The following PLXDC2 variants were observed in gnomAD, a reference collection of about 807,000 sequenced individuals.
PLXDC2 encodes the protein plexin domain containing 2, also known as plexin domain-containing protein 2.
In PLXDC2, 40 loss-of-function variants were observed where a neutral mutation model predicts 68.9. The observed-to-expected ratio is 0.58, with a 90% confidence interval of 0.45 to 0.76. The LOEUF is 0.76. Ranked by LOEUF, PLXDC2 falls within the 30% of genes least tolerant of loss-of-function variation. The pLI, the probability that PLXDC2 is intolerant of heterozygous loss-of-function variation, is 0.00. For synonymous variants in PLXDC2, 243 were observed against 234.2 expected, an observed-to-expected ratio of 1.04 and a Z score of -0.34; for missense variants, 644 against 661.9, an observed-to-expected ratio of 0.97 and a Z score of 0.30.
At chr10:20,125,085 C>T (rs1483331091) in intron 4 of PLXDC2, among the ~76,000 whole-genome samples, 1 of 152,130 alleles carries the variant, frequency 6.6e-6, no homozygotes, top group Admixed American at 6.5e-5. Flanking sequence ...AAATCCAAAA[C>T]ATTTAACAGC....
chr10:20,070,850 A>G (rs147174896), intron 4 of PLXDC2: 13 of 152,284 alleles, frequency 8.5e-5, no homozygotes, highest in African/African-American at 3.1e-4. Flanking sequence ...CATGTCAGCA[A>G]TTCAGCCAAT....
At chr10:20,052,798 G>C (rs967298701) in intron 3 of PLXDC2, among the ~76,000 whole-genome samples, 6 of 151,740 alleles carry the variant, frequency 4.0e-5, no homozygotes, top group Non-Finnish European at 7.4e-5. Flanking sequence ...AGGGCCAGAG[G>C]GCTAACGATT....
intron 1 of PLXDC2, among the ~76,000 whole-genome samples, chr10:19,895,546 A>T (rs772632256): frequency 1.2e-4 from 18 of 152,134 alleles, no homozygotes; most frequent in Middle Eastern, 3.2e-3. Flanking sequence ...TGTGGTATTC[A>T]TTTTCCATGA....
At chr10:20,224,889 G>A (rs867774629) in intron 12 of PLXDC2, among the ~76,000 whole-genome samples, 2 of 152,032 alleles carry the variant, frequency 1.3e-5, no homozygotes, top group South Asian at 4.1e-4. Flanking sequence ...AGCACTCCAG[G>A]TGACAGCATT....
rs1295878977 is a variant in PLXDC2 at position 20,147,862 on chromosome 10, C to A, written c.743C>A (p.Thr248Asn). Residue 248 changes from threonine (T) to asparagine (N), a missense_variant, in exon 6 of 14, where the codon ACC becomes AAC. By Grantham distance (65) the Thr-to-Asn change is moderately conservative (BLOSUM62 0). Around this residue, in one of 3 missense-constraint regions of PLXDC2, gnomAD observed 113 missense variants for 167.1 expected, o/e 0.68. Transcript: ENST00000377252. The part of the protein sequence containing the change: ...YNLGSFTFQA[T>N]LLMDGRIIFG... ...CTGGGAAGCTTCACATTCCAGGCAACCCTGCTCATGGATGGACGAATCATC... is the reference window on the plus strand; with the variant it reads ...CTGGGAAGCTTCACATTCCAGGCAAACCTGCTCATGGATGGACGAATCATC... The A allele has an allele frequency of 6.2e-7, 1 of 1,612,660 alleles. No individual in the cohort carries two copies. Among genetic ancestry groups the A allele is most frequent in the East Asian group, 2.2e-5 (1 of 44,834 alleles).
intron 4 of PLXDC2, among the ~76,000 whole-genome samples, chr10:20,074,947 G>A (rs1216778437): frequency 6.6e-6 from 1 of 152,092 alleles, no homozygotes; most frequent in African/African-American, 2.4e-5. Flanking sequence ...AGAGATAGAT[G>A]CTGGATGAAA....
chr10:20,174,542 C>T (rs890923093), intron 7 of PLXDC2, among the ~76,000 whole-genome samples: 1 of 152,018 alleles, frequency 6.6e-6, no homozygotes, highest in Non-Finnish European at 1.5e-5. Flanking sequence ...GGGTTTGCTT[C>T]GACCCTTTCT....
chr10:20,045,939 T>A (rs1406738613), intron 2 of PLXDC2, among the ~76,000 whole-genome samples: 3 of 152,132 alleles, frequency 2.0e-5, no homozygotes, highest in Non-Finnish European at 4.4e-5. Context: ...TTAAAACATT[T>A]ACATCTCCTC....
At chr10:20,256,662 T>A (rs1228030971) in intron 13 of PLXDC2, among the ~76,000 whole-genome samples, 1 of 152,040 alleles carries the variant, frequency 6.6e-6, no homozygotes, top group Admixed American at 6.6e-5. Flanking sequence ...ATTTATGTTA[T>A]TTCCTTTTTT....
At chr10:19,976,926 A>G (rs902233543) in intron 1 of PLXDC2, among the ~76,000 whole-genome samples, 3 of 149,770 alleles carry the variant, frequency 2.0e-5, no homozygotes, top group Admixed American at 2.0e-4. Context: ...TAATATTGAA[A>G]TTTCAATTTC....
rs965958866 is a variant in PLXDC2, at chr10:20,285,172, T to C, written c.*5353T>C. The C allele has an allele frequency of 1.3e-5, 2 of 152,236 alleles. No homozygotes were observed. The highest frequency in any genetic ancestry group is 4.8e-5 in the African/African-American group (2 of 41,462). 9.4% of individuals were successfully genotyped at this position (152,236 alleles called of 1,614,324 possible). A position where few individuals can be genotyped will look rare whatever the true frequency, so the allele number is the denominator to read the frequency against. On this transcript the variant is annotated 3_prime_UTR_variant, in exon 14 of 14. Transcript: ENST00000377252. ...CAACATTTTTGTCCTTATAAGGTTT[T>C]TTGGGCAGATAATGCGAGGTCTGTG...
chr10:20,117,331 T>C (rs1227952378), intron 4 of PLXDC2, among the ~76,000 whole-genome samples: 1 of 152,120 alleles, frequency 6.6e-6, no homozygotes, highest in Non-Finnish European at 1.5e-5. Context: ...TTAAAAGAAA[T>C]GAATTCCTCT....
intron 1 of PLXDC2, among the ~76,000 whole-genome samples, chr10:19,843,247 G>T (rs1414539062): frequency 1.3e-5 from 2 of 149,738 alleles, no homozygotes; most frequent in African/African-American, 4.9e-5. Context: ...CATTTTAAAA[G>T]ATAAATGCAA....
At chr10:20,022,485 G>T (rs1835329137) in intron 2 of PLXDC2, among the ~76,000 whole-genome samples, 1 of 152,170 alleles carries the variant, frequency 6.6e-6, no homozygotes, top group Non-Finnish European at 1.5e-5. Flanking sequence ...GTCCTTGAAA[G>T]CCACATGAGG....
At chr10:19,994,779 GT>G (rs1834814774) in intron 1 of PLXDC2, among the ~76,000 whole-genome samples, 1 of 150,808 alleles carries the variant, frequency 6.6e-6, no homozygotes. Context: ...GTCTCGCTCT[GT>G]TACCCAGGCT....
intron 1 of PLXDC2, among the ~76,000 whole-genome samples, chr10:19,946,230 G>A (rs939742399): frequency 8.6e-5 from 13 of 151,974 alleles, no homozygotes; most frequent in Non-Finnish European, 1.5e-4. Flanking sequence ...AGTAATCTTC[G>A]AAAATGTAGA....
At chr10:19,859,951 A>G (rs1837288587) in intron 1 of PLXDC2, among the ~76,000 whole-genome samples, 1 of 152,054 alleles carries the variant, frequency 6.6e-6, no homozygotes, top group Non-Finnish European at 1.5e-5. Flanking sequence ...AGGCTGCTCA[A>G]ACTCCTGATC....
intron 1 of PLXDC2, among the ~76,000 whole-genome samples, chr10:19,964,823 T>C (rs746252596): frequency 4.6e-5 from 7 of 152,116 alleles, no homozygotes; most frequent in East Asian, 1.9e-4. Context: ...TATGCCTCCA[T>C]AGGGGGCAAC....
intron 1 of PLXDC2, among the ~76,000 whole-genome samples, chr10:19,990,801 A>G (rs1443714675): frequency 1.3e-5 from 2 of 152,252 alleles, no homozygotes; most frequent in Non-Finnish European, 2.9e-5. Context: ...CAATGTCAGA[A>G]TTCAGACATT....
Sources: gnomAD v4.1 joint callset for allele counts (sites outside exome capture counted in the v4.1 genomes callset) on GRCh38, gnomAD v4.1.1 for gene constraint, gnomAD v4.1.1 regional missense constraint, MANE v1.5 for transcripts, NCBI Gene and HGNC (gene_info 2026-07-23, HGNC 2026-07-21) for gene names.